CDKAL1: variants seen among roughly 807,000 people sequenced by gnomAD.
CDKAL1 encodes the protein CDKAL1 threonylcarbamoyladenosine tRNA methylthiotransferase, also known as threonylcarbamoyladenosine tRNA methylthiotransferase.
CDKAL1 carries 32 observed loss-of-function variants against 68.2 expected under a neutral mutation model. That is an observed-to-expected ratio of 0.47 (90% confidence interval 0.35 to 0.63). The LOEUF is 0.63. Ranked by LOEUF, CDKAL1 falls within the 30% of genes least tolerant of loss-of-function variation. The pLI is 0.00. For missense variants in CDKAL1, 606 were observed against 696.7 expected (o/e 0.87, Z 1.47); for synonymous variants, 234 against 244.3 (o/e 0.96, Z 0.39).
chr6:20,983,928 G>A (rs1561936391), intron 10 of CDKAL1, among the ~76,000 whole-genome samples: 2 of 152,194 alleles, frequency 1.3e-5, no homozygotes, highest in Non-Finnish European at 1.5e-5. Flanking sequence ...ATTACAGGTA[G>A]ATCAATCCAT....
chr6:21,184,295 A>T (rs531451375), intron 13 of CDKAL1, among the ~76,000 whole-genome samples: 1 of 151,690 alleles, frequency 6.6e-6, no homozygotes, highest in African/African-American at 2.4e-5. Flanking sequence ...CCCAGGTTCA[A>T]GCGATTCTCC....
At chr6:20,666,327 G>T (rs1039151885) in intron 5 of CDKAL1, among the ~76,000 whole-genome samples, 23 of 150,800 alleles carry the variant, frequency 1.5e-4, no homozygotes, top group African/African-American at 5.4e-4. Flanking sequence ...GGGAACTGTT[G>T]TTTACTCTGA....
chr6:21,089,814 T>C (rs1772903446), intron 12 of CDKAL1, among the ~76,000 whole-genome samples: 2 of 152,134 alleles, frequency 1.3e-5, no homozygotes, highest in South Asian at 4.1e-4. Flanking sequence ...CAGGTTAAGG[T>C]CTGTAGAGCA....
At chr6:20,557,671 A>C (rs56190273) in intron 4 of CDKAL1, among the ~76,000 whole-genome samples, 8,140 of 152,272 alleles carry the variant, frequency 0.053, 235 homozygotes, top group Middle Eastern at 0.078. Context: ...TCATGCCTCT[A>C]ATCCCAGCAC....
At chr6:20,888,964 T>G (rs1413656538) in intron 9 of CDKAL1, among the ~76,000 whole-genome samples, 1 of 152,232 alleles carries the variant, frequency 6.6e-6, no homozygotes, top group Admixed American at 6.5e-5. Context: ...GCACAATGGT[T>G]GAACTAGTTT....
At chr6:21,112,444 T>C (rs1013653201) in intron 13 of CDKAL1, among the ~76,000 whole-genome samples, 3 of 152,238 alleles carry the variant, frequency 2.0e-5, no homozygotes, top group Admixed American at 6.5e-5. Flanking sequence ...AGTGAGTCTT[T>C]AACAGGTAGT....
chr6:20,709,590 G>T (rs1771753135), intron 5 of CDKAL1, among the ~76,000 whole-genome samples: 1 of 152,040 alleles, frequency 6.6e-6, no homozygotes, highest in Admixed American at 6.6e-5. Flanking sequence ...ATGCTTGTTG[G>T]TTTCATTAAT....
At chr6:20,706,405 C>A (rs1413242216) in intron 5 of CDKAL1, among the ~76,000 whole-genome samples, 1 of 152,204 alleles carries the variant, frequency 6.6e-6, no homozygotes, top group Non-Finnish European at 1.5e-5. Flanking sequence ...AAGTAGTGAT[C>A]AGATGCTCAT....
chr6:21,065,343 G>A, intron 12 of CDKAL1, 115 bp downstream of exon 12: 19 of 827,828 alleles, frequency 2.3e-5, no homozygotes, highest in Non-Finnish European at 3.5e-5. Context: ...ACAAAATATG[G>A]AGAGATTTCC....
At chr6:20,926,468 A>G (rs918482619) in intron 9 of CDKAL1, among the ~76,000 whole-genome samples, 5 of 152,168 alleles carry the variant, frequency 3.3e-5, no homozygotes, top group African/African-American at 1.2e-4. Context: ...CAGAAGAATC[A>G]AAAGATTAGG....
intron 9 of CDKAL1, among the ~76,000 whole-genome samples, chr6:20,931,528 G>T (rs528354904): frequency 6.6e-6 from 1 of 152,120 alleles, no homozygotes; most frequent in Non-Finnish European, 1.5e-5. Context: ...GGATTAAAGC[G>T]CAATTAAGTT....
chr6:20,817,296 TA>T (rs1561802502), intron 8 of CDKAL1, among the ~76,000 whole-genome samples: 1 of 152,276 alleles, frequency 6.6e-6, no homozygotes, highest in East Asian at 1.9e-4. Context: ...GCAGCCCATT[TA>T]AAAAAATTGA....
chr6:20,696,988 C>T (rs1206462029), intron 5 of CDKAL1, among the ~76,000 whole-genome samples: 1 of 152,158 alleles, frequency 6.6e-6, no homozygotes, highest in Non-Finnish European at 1.5e-5. Context: ...TACTTCACTA[C>T]TGAGTGATAA....
At chr6:20,806,290 T>C (rs1216065335) in intron 8 of CDKAL1, among the ~76,000 whole-genome samples, 1 of 152,224 alleles carries the variant, frequency 6.6e-6, no homozygotes, top group African/African-American at 2.4e-5. Flanking sequence ...TGCAACTCCA[T>C]CCATGTTGCT....
At chr6:21,093,348 T>C (rs1773142711) in intron 12 of CDKAL1, among the ~76,000 whole-genome samples, 1 of 152,224 alleles carries the variant, frequency 6.6e-6, no homozygotes, top group South Asian at 2.1e-4. Context: ...GATACTCCTT[T>C]CTCAGGAAGC....
At chr6:20,950,387 G>C (rs932633957) in intron 9 of CDKAL1, among the ~76,000 whole-genome samples, 2 of 152,138 alleles carry the variant, frequency 1.3e-5, no homozygotes, top group African/African-American at 2.4e-5. Flanking sequence ...GCCTCCCAAA[G>C]TGCTGAGATT....
At chr6:20,707,194 C>T (rs759016820) in intron 5 of CDKAL1, among the ~76,000 whole-genome samples, 4 of 152,168 alleles carry the variant, frequency 2.6e-5, no homozygotes, top group Non-Finnish European at 5.9e-5. Context: ...CAGTGGATAG[C>T]CACCTGCTAG....
chr6:21,053,408 A>G (rs1371324542), intron 11 of CDKAL1, among the ~76,000 whole-genome samples: 6 of 152,324 alleles, frequency 3.9e-5, no homozygotes, highest in African/African-American at 1.4e-4. Context: ...TGGGGCAGTT[A>G]TGAAGATTGC....
At chr6:21,089,806 G>T (rs1772902985) in intron 12 of CDKAL1, among the ~76,000 whole-genome samples, 1 of 152,196 alleles carries the variant, frequency 6.6e-6, no homozygotes, top group Admixed American at 6.5e-5. Flanking sequence ...TTATAAGCCA[G>T]GTTAAGGTCT....
Sources: gnomAD v4.1 joint callset for allele counts (sites outside exome capture counted in the v4.1 genomes callset) on GRCh38, gnomAD v4.1.1 for gene constraint, MANE v1.5 for transcripts, NCBI Gene and HGNC (gene_info 2026-07-23, HGNC 2026-07-21) for gene names.